SLC2A13: variants seen among roughly 807,000 people sequenced by gnomAD.
SLC2A13 encodes proton myo-inositol cotransporter.
SLC2A13 carries 32 observed loss-of-function variants against 64.4 expected under a neutral mutation model. The ratio of observed to expected loss-of-function variants is 0.50; its 90% CI spans 0.37 to 0.67. The LOEUF is 0.67. Ranked by LOEUF, SLC2A13 falls within the 30% of genes least tolerant of loss-of-function variation. The probability of loss-of-function intolerance (pLI) is 0.00; values close to 1 mark genes in which losing one functional copy is unlikely to be tolerated. For missense variants in SLC2A13, 743 were observed against 829.2 expected, an observed-to-expected ratio of 0.90 and a Z score of 1.28; for synonymous variants, 338 against 327.1, an observed-to-expected ratio of 1.03 and a Z score of -0.36.
intron 6 of SLC2A13, among the ~76,000 whole-genome samples, chr12:39,864,551 T>C (rs1179458553): frequency 6.6e-6 from 1 of 152,130 alleles, no homozygotes. Flanking sequence ...AACAACCCAC[T>C]CTCTCCTTAA....
chr12:40,016,849 T>C (rs1409049188), intron 3 of SLC2A13, among the ~76,000 whole-genome samples: 1 of 152,100 alleles, frequency 6.6e-6, no homozygotes, highest in African/African-American at 2.4e-5. Flanking sequence ...AAAAAATAAG[T>C]TTTTTCGATG....
chr12:40,050,528 T>G (rs1038951214), intron 1 of SLC2A13, among the ~76,000 whole-genome samples: 1 of 152,206 alleles, frequency 6.6e-6, no homozygotes, highest in Non-Finnish European at 1.5e-5. Context: ...TTCTGTCCAA[T>G]GAGTGCTCTG....
Position 40,105,353 on chromosome 12 carries a change from G to A in SLC2A13, c.456C>T (p.Leu152=), listed in dbSNP as rs765795080. 1.3e-6 allele frequency: 2 copies of A among 1,589,452 alleles called. No individual in the cohort carries two copies. The highest frequency in any genetic ancestry group is 2.3e-5 in the East Asian group (1 of 43,624). Residue 152 remains leucine (L), a synonymous_variant, in exon 1 of 10, where the codon CTC becomes CTT. Transcript: ENST00000280871. This position sits in a 1 kb window ranked among gnomAD's most constrained non-coding sequence, Gnocchi z 4.2. ...CGGCGGTGAAGAGGGCACTGGCCAG[G>A]AGGATGGCAGCGCGGCGGCCGAAGA... ...NGVFGRRAAI[L]LASALFTAGS...
chr12:40,067,643 G>T (rs1937785677), intron 1 of SLC2A13, among the ~76,000 whole-genome samples: 1 of 151,728 alleles, frequency 6.6e-6, no homozygotes, highest in Non-Finnish European at 1.5e-5. Flanking sequence ...ACTCATTTTT[G>T]TCTTCATCAT....
At position 39,937,543 on chromosome 12, in the gene SLC2A13, C is replaced by G. The variant is rs151003487; in HGVS notation, c.1034+13714G>C. On this transcript the variant is annotated intron_variant, in intron 4 of 9. Coordinates refer to ENST00000280871, the MANE Select transcript of SLC2A13 (RefSeq NM_052885.4). ...CTATTTCAACTCATTAACAGCACCTCCATTTCTTCTCCTTACCTTTCAGTG... is the reference window on the plus strand; with the variant it reads ...CTATTTCAACTCATTAACAGCACCTGCATTTCTTCTCCTTACCTTTCAGTG... Among the ~76,000 whole-genome samples the G allele has an allele frequency of 7.1e-4, 108 of 152,238 alleles. No individual in the cohort carries two copies. The East Asian group carries it at 0.017, about 23-fold the overall frequency.
At chr12:39,782,459 G>A (rs561342688) in intron 7 of SLC2A13, among the ~76,000 whole-genome samples, 3 of 152,228 alleles carry the variant, frequency 2.0e-5, no homozygotes, top group East Asian at 1.9e-4. Context: ...CCGCCACCAC[G>A]TAAGATGTGC....
At chr12:39,940,518 G>A (rs1946001182) in intron 4 of SLC2A13, among the ~76,000 whole-genome samples, 2 of 151,858 alleles carry the variant, frequency 1.3e-5, no homozygotes, top group Admixed American at 1.3e-4. Flanking sequence ...TAACAAGTAT[G>A]AATGACTCAT....
At chr12:40,039,722 C>T (rs1273571649) in intron 2 of SLC2A13, among the ~76,000 whole-genome samples, 1 of 152,202 alleles carries the variant, frequency 6.6e-6, no homozygotes, top group Non-Finnish European at 1.5e-5. Flanking sequence ...CTCCCACACA[C>T]TTCCTGCCCA....
At chr12:40,049,820 T>C (rs1592039734) in intron 1 of SLC2A13, among the ~76,000 whole-genome samples, 2 of 152,274 alleles carry the variant, frequency 1.3e-5, no homozygotes, top group East Asian at 3.9e-4. Context: ...CACTGTATTA[T>C]TGCATAACTA....
chr12:39,844,013 G>A (rs1053232034), intron 6 of SLC2A13, among the ~76,000 whole-genome samples: 1 of 151,882 alleles, frequency 6.6e-6, no homozygotes, highest in African/African-American at 2.4e-5. Context: ...TACCAAAAAG[G>A]ATAAATAAAA....
intron 6 of SLC2A13, among the ~76,000 whole-genome samples, chr12:39,838,926 A>T (rs1943103271): frequency 6.6e-6 from 1 of 152,122 alleles, no homozygotes; most frequent in Admixed American, 6.6e-5. Flanking sequence ...GCCTGTCTCT[A>T]GAATGCCCTA....
At chr12:39,801,584 A>C (rs1941793340) in intron 7 of SLC2A13, among the ~76,000 whole-genome samples, 1 of 152,230 alleles carries the variant, frequency 6.6e-6, no homozygotes, top group Non-Finnish European at 1.5e-5. Flanking sequence ...AGATTATTAC[A>C]GCAGGAAAAT....
At chr12:40,102,596 T>C (rs1426057737) in intron 1 of SLC2A13, among the ~76,000 whole-genome samples, 1 of 152,218 alleles carries the variant, frequency 6.6e-6, no homozygotes, top group Non-Finnish European at 1.5e-5. Context: ...AGCAAACTTG[T>C]CTGAAAAAGG....
intron 6 of SLC2A13, among the ~76,000 whole-genome samples, chr12:39,853,058 C>T (rs1344960630): frequency 6.6e-6 from 1 of 152,104 alleles, no homozygotes; most frequent in Non-Finnish European, 1.5e-5. Context: ...TTGTTTCATT[C>T]CTTCATTGCT....
intron 7 of SLC2A13, among the ~76,000 whole-genome samples, chr12:39,776,608 G>T (rs1486973601): frequency 6.6e-6 from 1 of 152,238 alleles, no homozygotes; most frequent in Non-Finnish European, 1.5e-5. Context: ...ATGAGGTAAA[G>T]AAGGGTCACG....
intron 1 of SLC2A13, among the ~76,000 whole-genome samples, chr12:40,050,828 T>C (rs1948242563): frequency 6.6e-6 from 1 of 152,162 alleles, no homozygotes; most frequent in African/African-American, 2.4e-5. Context: ...CTGGTTAAGT[T>C]TGGACAACTT....
At chr12:40,034,613 C>T (rs943308400) in intron 2 of SLC2A13, among the ~76,000 whole-genome samples, 4 of 152,116 alleles carry the variant, frequency 2.6e-5, no homozygotes, top group African/African-American at 2.4e-5. Context: ...CAAATCATGT[C>T]CATGTTAGCC....
chr12:40,077,311 CTTGAG>C (rs1938213990), intron 1 of SLC2A13, among the ~76,000 whole-genome samples: 1 of 152,076 alleles, frequency 6.6e-6, no homozygotes, highest in Non-Finnish European at 1.5e-5. Context: ...TTTGTTCTAT[CTTGAG>C]TTGATTTTTG....
chr12:39,765,927 T>G (rs1353852463), intron 7 of SLC2A13, among the ~76,000 whole-genome samples: 1 of 152,090 alleles, frequency 6.6e-6, no homozygotes, highest in Non-Finnish European at 1.5e-5. Flanking sequence ...CTTCTCTGTG[T>G]CCATGTGTTC....
Sources: allele counts gnomAD v4.1 joint callset (sites outside exome capture counted in the v4.1 genomes callset), GRCh38; gene constraint gnomAD v4.1.1; non-coding constraint Gnocchi (gnomAD v3.1); transcripts MANE v1.5; gene names NCBI Gene and HGNC (gene_info 2026-07-23, HGNC 2026-07-21).